RPH3A: variants seen among roughly 807,000 people sequenced by gnomAD.
RPH3A encodes the protein rabphilin-3A.
In RPH3A, 48 loss-of-function variants were observed where a neutral mutation model predicts 102.2. The observed-to-expected ratio is 0.47, with a 90% CI of 0.37 to 0.60. The LOEUF (loss-of-function observed/expected upper bound fraction) is 0.60. RPH3A is among the 20% of genes least tolerant of loss of function. The pLI is 0.00. For missense variants in RPH3A, 781 were observed against 910.1 expected, an observed-to-expected ratio of 0.86 and a Z score of 1.83; for synonymous variants, 310 against 324.3, an observed-to-expected ratio of 0.96 and a Z score of 0.47.
chr12:112,834,559 C>T (rs950897407), intron 3 of RPH3A, among the ~76,000 whole-genome samples: 6 of 152,118 alleles, frequency 3.9e-5, no homozygotes, highest in East Asian at 1.9e-4. Flanking sequence ...AAATTTCCAC[C>T]AGAAGTAGAT....
chr12:112,652,967 T>C (rs182114300), intron 1 of RPH3A, among the ~76,000 whole-genome samples: 3 of 152,314 alleles, frequency 2.0e-5, no homozygotes, highest in Admixed American at 2.0e-4. Flanking sequence ...GTGTAGCCTA[T>C]TGCTTCTCGG....
chr12:112,725,396 A>G (rs2040581024), intron 1 of RPH3A, among the ~76,000 whole-genome samples: 1 of 152,056 alleles, frequency 6.6e-6, no homozygotes, highest in South Asian at 2.1e-4. Context: ...AAGAGGGGAG[A>G]AAGGAAAGGA....
Position 112,861,221 on chromosome 12 carries a change from A to G in RPH3A, c.231-4193A>G, listed in dbSNP as rs11066436. ...CCACCAATGCAACCCAATGCCTCCT[A>G]TTTTCCAGATGAGCAAATTGAAGTC... On this transcript the variant is annotated intron_variant, in intron 5 of 21. Coordinates refer to ENST00000389385, the MANE Select transcript of RPH3A (RefSeq NM_001143854.2). Among the ~76,000 whole-genome samples the G allele has an allele frequency of 5.1e-3, 772 of 152,268 alleles. 7 individuals carry two copies. The highest frequency in any genetic ancestry group is 0.018 in the African/African-American group (758 of 41,558).
intron 2 of RPH3A, among the ~76,000 whole-genome samples, chr12:112,826,436 T>C (rs1668207886): frequency 6.6e-6 from 1 of 152,128 alleles, no homozygotes; most frequent in Non-Finnish European, 1.5e-5. Flanking sequence ...ACTGACTTGC[T>C]TTTTCGGGAT....
At chr12:112,717,887 C>A (rs958327151) in intron 1 of RPH3A, 2 of 152,106 alleles carry the variant, frequency 1.3e-5, no homozygotes, top group African/African-American at 2.4e-5. Flanking sequence ...TTCATGTCCT[C>A]GCTAAGTCTT....
At chr12:112,593,635 G>A (rs2039494275) in intron 1 of RPH3A, among the ~76,000 whole-genome samples, 1 of 152,186 alleles carries the variant, frequency 6.6e-6, no homozygotes, top group Admixed American at 6.5e-5. Context: ...CATAGATGGT[G>A]CGTTAGATTG....
chr12:112,856,759 A>C (rs2042418414), intron 5 of RPH3A, among the ~76,000 whole-genome samples: 1 of 152,214 alleles, frequency 6.6e-6, no homozygotes, highest in African/African-American at 2.4e-5. Context: ...TTTTAGAATA[A>C]ATAACTAGCA....
rs1479500368 is a variant in RPH3A, at chr12:112,890,946, G to A, written c.1718G>A (p.Arg573His). Residue 573 changes from arginine (R) to histidine (H), a missense_variant, in exon 19 of 22, where the codon CGC (arginine) becomes CAC (histidine). Arg to His is a conservative substitution (Grantham distance 29). Around this residue, in one of 2 missense-constraint regions of RPH3A, gnomAD observed 730 missense variants for 810.0 expected, o/e 0.90. Transcript: ENST00000389385. ...QQGGLIVGII[R>H]CVHLAAMDAN... ...GGAGGCCTCATTGTGGGCATCATAC[G>A]CTGCGTGCACCTGGCTGCCATGGAC... The A allele has an allele frequency of 3.7e-6, 6 of 1,614,100 alleles. No individual in the cohort carries two copies. The highest frequency in any genetic ancestry group is 5.1e-6 in the Non-Finnish European group (6 of 1,180,010).
At chr12:112,849,612 G>C (rs949741591) in intron 5 of RPH3A, among the ~76,000 whole-genome samples, 66 of 152,102 alleles carry the variant, frequency 4.3e-4, no homozygotes, top group African/African-American at 1.5e-3. Context: ...TTTAAGTATT[G>C]TACGTCTCTC....
intron 2 of RPH3A, among the ~76,000 whole-genome samples, chr12:112,825,058 T>C (rs1280891098): frequency 6.6e-6 from 1 of 152,210 alleles, no homozygotes; most frequent in Admixed American, 6.5e-5. Context: ...TCTCGGGGAC[T>C]GAGCCTCTTT....
At chr12:112,797,847 C>A (rs2041264118) in intron 2 of RPH3A, among the ~76,000 whole-genome samples, 2 of 151,900 alleles carry the variant, frequency 1.3e-5, no homozygotes, top group African/African-American at 4.8e-5. Flanking sequence ...CACGACCATG[C>A]TGGGCTAATT....
chr12:112,866,800 A>G lies in RPH3A; in HGVS notation c.404A>G (p.His135Arg), dbSNP rs1373427942. 6.2e-7 allele frequency: 1 copy of G among 1,611,752 alleles called. No individual in the cohort carries two copies. The highest frequency in any genetic ancestry group is 1.3e-5 in the African/African-American group (1 of 74,894). ...KCGVETNNRL[H>R]SVWLCKICIE... ...GGAGTGGAGACCAACAACCGCCTGC[A>G]TTCTGTGTGGCTCTGCAAAATCTGC... Residue 135 changes from histidine (H) to arginine (R), a missense_variant, in exon 7 of 22, where the codon CAT becomes CGT. His to Arg is a conservative substitution (Grantham distance 29). Transcript: ENST00000389385.
intron 1 of RPH3A, among the ~76,000 whole-genome samples, chr12:112,629,594 A>G (rs538498275): frequency 1.3e-5 from 2 of 150,332 alleles, no homozygotes; most frequent in East Asian, 2.0e-4. Context: ...CTCCTGCCTC[A>G]GCCTCCCTAG....
At chr12:112,646,016 C>T (rs2039927322) in intron 1 of RPH3A, among the ~76,000 whole-genome samples, 1 of 152,092 alleles carries the variant, frequency 6.6e-6, no homozygotes. Context: ...ATAACAGTAC[C>T]TGCCTCATGG....
chr12:112,774,428 G>T (rs1186046892), intron 1 of RPH3A, among the ~76,000 whole-genome samples: 1 of 152,182 alleles, frequency 6.6e-6, no homozygotes, highest in Non-Finnish European at 1.5e-5. Context: ...ATAGATGAGA[G>T]CACTAGATTG....
chr12:112,770,376 G>T (rs1329183948), intron 1 of RPH3A, among the ~76,000 whole-genome samples: 1 of 151,322 alleles, frequency 6.6e-6, no homozygotes. Flanking sequence ...GACAGGTTTT[G>T]GCTCTGTCAC....
intron 1 of RPH3A, among the ~76,000 whole-genome samples, chr12:112,642,592 A>G (rs917728643): frequency 3.3e-5 from 5 of 152,136 alleles, no homozygotes; most frequent in African/African-American, 1.2e-4. Context: ...TCCTAATTCT[A>G]AATTTTTCAG....
At chr12:112,649,777 A>G (rs570872757) in intron 1 of RPH3A, among the ~76,000 whole-genome samples, 18 of 152,322 alleles carry the variant, frequency 1.2e-4, no homozygotes, top group African/African-American at 4.1e-4. Context: ...CTGGAGGCTG[A>G]AAGTCCAAGA....
At chr12:112,796,300 C>T (rs2041228466) in intron 2 of RPH3A, among the ~76,000 whole-genome samples, 1 of 152,148 alleles carries the variant, frequency 6.6e-6, no homozygotes, top group African/African-American at 2.4e-5. Flanking sequence ...CGTGTATTTT[C>T]TCTAGGAAAC....
Sources: allele counts gnomAD v4.1 joint callset (sites outside exome capture counted in the v4.1 genomes callset), GRCh38; gene constraint gnomAD v4.1.1; regional missense constraint gnomAD v4.1.1; transcripts MANE v1.5; gene names NCBI Gene and HGNC (gene_info 2026-07-23, HGNC 2026-07-21).